Variants in TRAPPC10 observed in about 807,000 individuals in gnomAD.
The protein encoded by TRAPPC10 is TRAPP 130 kDa subunit.
In TRAPPC10, 23 loss-of-function variants were observed where a neutral mutation model predicts 125.5. That is an observed-to-expected ratio of 0.18 (90% CI 0.13 to 0.26). TRAPPC10 has a LOEUF of 0.26. TRAPPC10 is among the 10% of genes least tolerant of loss of function. TRAPPC10 has a pLI of 1.00. For missense variants in TRAPPC10, 1,123 were observed against 1,308.4 expected, an observed-to-expected ratio of 0.86 and a Z score of 2.19; for synonymous variants, 509 against 518.0, an observed-to-expected ratio of 0.98 and a Z score of 0.24.
chr21:44,059,071 G>T lies in TRAPPC10; in HGVS notation c.679-32G>T. On this transcript the variant is annotated intron_variant, in intron 5 of 22. Coordinates refer to ENST00000291574, the MANE Select transcript of TRAPPC10 (RefSeq NM_003274.5). This position sits in a 1 kb window ranked among gnomAD's most constrained non-coding sequence, Gnocchi z 4.4. ...CTTCTATACATTGATTTATGTTTTT[G>T]TTTTTTTAAAAAACGTATCTTGGGC... 6.5e-7 allele frequency: 1 copy of T among 1,531,210 alleles called. No homozygotes were observed. The allele number at this position is 1,531,210 out of a possible 1,614,324, so 94.9% of individuals were successfully genotyped here. A position where few individuals can be genotyped will look rare whatever the true frequency, so the allele number is the denominator to read the frequency against.
At chr21:44,089,770 G>A (rs1452657935) in intron 17 of TRAPPC10, 63 bp from the exon 18 acceptor site, 51 of 1,304,692 alleles carry the variant, frequency 3.9e-5, no homozygotes, top group Non-Finnish European at 5.2e-5. Context: ...CTGGGCAGCA[G>A]TGGTGGTGGC....
At chr21:44,057,207 G>C (rs1569176247) in intron 5 of TRAPPC10, among the ~76,000 whole-genome samples, 2 of 152,104 alleles carry the variant, frequency 1.3e-5, no homozygotes, top group African/African-American at 4.8e-5. Context: ...AAAGGACAGA[G>C]GTTCCGTTTG....
At position 44,094,043 on chromosome 21, in the gene TRAPPC10, A is replaced by AC. The variant is rs770815407; in HGVS notation, c.2998-15dup. On this transcript the variant is annotated intron_variant, in intron 19 of 22. Coordinates refer to ENST00000291574, the MANE Select transcript of TRAPPC10 (RefSeq NM_003274.5). Reference sequence around the variant, plus strand: ...CGGTTATGGTGCTGTGTGAGCAGTGACCCCCAACTCTCTTTCCAGCCCATC... The same window carrying AC: ...CGGTTATGGTGCTGTGTGAGCAGTGACCCCCCAACTCTCTTTCCAGCCCATC... The AC allele has an allele frequency of 1.2e-6, 2 of 1,606,538 alleles. No individual in the cohort carries two copies. Among genetic ancestry groups the AC allele is most frequent in the South Asian group, 2.2e-5 (2 of 90,148 alleles).
At chr21:44,024,961 C>G (rs984070771) in intron 1 of TRAPPC10, among the ~76,000 whole-genome samples, 4 of 152,222 alleles carry the variant, frequency 2.6e-5, no homozygotes, top group Non-Finnish European at 5.9e-5. Context: ...TCCCACCTCA[C>G]TTTCCCCCGG....
intron 7 of TRAPPC10, among the ~76,000 whole-genome samples, chr21:44,068,762 G>A (rs9983596): frequency 0.087 from 13,247 of 151,872 alleles, 1,341 homozygotes; most frequent in African/African-American, 0.24. Flanking sequence ...CACCATGCCC[G>A]GCTAATTTTT....
intron 7 of TRAPPC10, among the ~76,000 whole-genome samples, chr21:44,069,444 A>T (rs1221911691): frequency 1.3e-5 from 2 of 152,206 alleles, no homozygotes; most frequent in African/African-American, 4.8e-5. Context: ...AACTGAAGCC[A>T]TTATTAATGA....
chr21:44,092,479 G>A (rs1020214692), intron 19 of TRAPPC10, among the ~76,000 whole-genome samples: 2 of 152,136 alleles, frequency 1.3e-5, no homozygotes, highest in African/African-American at 4.8e-5. Flanking sequence ...TTTATGGCTC[G>A]CTGCCTGGAT....
Position 44,077,777 on chromosome 21 carries a change from T to G in TRAPPC10, c.1462T>G (p.Phe488Val), listed in dbSNP as rs750142726. ...AKFVGKDLAE[F>V]YMRKKAPQKA... ...GTTTGTTGGAAAAGATCTGGCAGAG[T>G]TTTACATGTAATTGATTTTGTACTT... Residue 488 changes from phenylalanine (F) to valine (V), a missense_variant, in exon 11 of 23, where the codon TTT (phenylalanine) becomes GTT (valine). Around this residue, in one of 4 missense-constraint regions of TRAPPC10, gnomAD observed 840 missense variants for 902.0 expected, o/e 0.93. Transcript: ENST00000291574. 3 of 1,607,412 alleles carry G rather than the reference T, an allele frequency of 1.9e-6. No individual in the cohort carries two copies. Among genetic ancestry groups the G allele is most frequent in the Non-Finnish European group, 2.6e-6 (3 of 1,174,886 alleles).
intron 1 of TRAPPC10, among the ~76,000 whole-genome samples, chr21:44,024,983 C>T (rs560817661): frequency 1.5e-4 from 23 of 152,338 alleles, no homozygotes; most frequent in African/African-American, 5.1e-4. Flanking sequence ...CTCCACTCCA[C>T]GCTAGGAGTA....
At chr21:44,072,310 G>A (rs1371983402) in intron 7 of TRAPPC10, among the ~76,000 whole-genome samples, 2 of 152,220 alleles carry the variant, frequency 1.3e-5, no homozygotes, top group Non-Finnish European at 1.5e-5. Context: ...CGGCCCTCGT[G>A]CCCTGGCTGC....
chr21:44,018,808 C>T (rs891423442), intron 1 of TRAPPC10, among the ~76,000 whole-genome samples: 1 of 152,106 alleles, frequency 6.6e-6, no homozygotes, highest in Non-Finnish European at 1.5e-5. Context: ...TTGTGTGGCT[C>T]ACTCTGGCTG....
rs376941863 is a variant in TRAPPC10, at chr21:44,083,042, G to A, written c.1978G>A (p.Glu660Lys). ...CAATGGGATCATTAACTTTCCACCC[G>A]AGACCGCACCTTTCCCTGTATCCCA... Reference protein sequence around the residue: ...TSNGIINFPPETAPFPVSQNS... With the variant: ...TSNGIINFPPKTAPFPVSQNS... The change falls in exon 14 of 23, where the codon GAG (glutamate) becomes AAG (lysine). Residue 660 changes from glutamate (E) to lysine (K), a missense_variant. By Grantham distance (56) the Glu-to-Lys change is moderately conservative. Coordinates refer to ENST00000291574, the MANE Select transcript of TRAPPC10 (RefSeq NM_003274.5). 15 of 1,613,884 alleles carry A rather than the reference G, an allele frequency of 9.3e-6. No individual in the cohort carries two copies. The highest frequency in any genetic ancestry group is 2.2e-5 in the East Asian group (1 of 44,894).
intron 13 of TRAPPC10, among the ~76,000 whole-genome samples, chr21:44,080,833 C>G (rs1362004611): frequency 2.6e-5 from 4 of 151,348 alleles, no homozygotes; most frequent in East Asian, 3.9e-4. Flanking sequence ...GCCACCGCAC[C>G]CAGTCTTTTT....
At chr21:44,026,640 T>G (rs1384902868) in intron 1 of TRAPPC10, among the ~76,000 whole-genome samples, 1 of 152,242 alleles carries the variant, frequency 6.6e-6, no homozygotes, top group African/African-American at 2.4e-5. Context: ...TCTGCAAAAT[T>G]TTCTGTAAAG....
At chr21:44,089,606 T>C in intron 17 of TRAPPC10, 1 of 565,072 alleles carries the variant, frequency 1.8e-6, no homozygotes, top group Non-Finnish European at 3.4e-6. Context: ...TGTGCATGTC[T>C]TGCCAGTTCT....
At chr21:44,016,070 G>T (rs2031806353) in intron 1 of TRAPPC10, among the ~76,000 whole-genome samples, 1 of 152,194 alleles carries the variant, frequency 6.6e-6, no homozygotes, top group Non-Finnish European at 1.5e-5. Context: ...GATGGGAGCT[G>T]AACAGTTAGT....
At chr21:44,092,998 T>C (rs55821729) in intron 19 of TRAPPC10, among the ~76,000 whole-genome samples, 4 of 152,060 alleles carry the variant, frequency 2.6e-5, no homozygotes, top group African/African-American at 9.7e-5. Flanking sequence ...GGTTTCACCA[T>C]GTTGGTCAGG....
chr21:44,068,848 C>T (rs915344532), intron 7 of TRAPPC10, among the ~76,000 whole-genome samples: 1 of 152,094 alleles, frequency 6.6e-6, no homozygotes, highest in African/African-American at 2.4e-5. Flanking sequence ...GTGATCTACC[C>T]TCCTCAGCCT....
chr21:44,063,162 C>G lies in TRAPPC10; in HGVS notation c.791-376C>G. ...ATGGTCAGAGCAGGCTGCACTCCAGCCCACAGGTAAAGATAAGGAAGCCCA... is the reference window on the plus strand; with the variant it reads ...ATGGTCAGAGCAGGCTGCACTCCAGGCCACAGGTAAAGATAAGGAAGCCCA... On this transcript the variant is annotated intron_variant, in intron 6 of 22. Coordinates refer to ENST00000291574, the MANE Select transcript of TRAPPC10 (RefSeq NM_003274.5). This position sits in a 1 kb window ranked among gnomAD's most constrained non-coding sequence, Gnocchi z 4.4. 1.5e-6 allele frequency: 2 copies of G among 1,301,970 alleles called. No individual in the cohort carries two copies. Among genetic ancestry groups the G allele is most frequent in the Non-Finnish European group, 2.0e-6 (2 of 991,922 alleles). The allele number at this position is 1,301,970 out of a possible 1,614,324, so 80.7% of individuals were successfully genotyped here.
Sources: gnomAD v4.1 joint callset for allele counts (sites outside exome capture counted in the v4.1 genomes callset) on GRCh38, gnomAD v4.1.1 for gene constraint, gnomAD v4.1.1 regional missense constraint, Gnocchi (gnomAD v3.1) non-coding constraint, MANE v1.5 for transcripts, NCBI Gene and HGNC (gene_info 2026-07-23, HGNC 2026-07-21) for gene names.